SNTG1: variants seen among roughly 807,000 people sequenced by gnomAD.
The protein encoded by SNTG1 is syntrophin gamma 1, also known as gamma-1-syntrophin.
In SNTG1, 39 loss-of-function variants were observed where a neutral mutation model predicts 74.7. The ratio of observed to expected loss-of-function variants is 0.52; its 90% confidence interval spans 0.40 to 0.68. The LOEUF is 0.68. Among genes scored for constraint, SNTG1 ranks in the 30% least tolerant of loss-of-function variants. The probability of loss-of-function intolerance (pLI) is 0.00; values close to 1 mark genes in which losing one functional copy is unlikely to be tolerated. For missense variants in SNTG1, 685 were observed against 609.5 expected (o/e 1.12, Z -1.30); for synonymous variants, 254 against 217.1 (o/e 1.17, Z -1.49).
chr8:50,199,448 C>T (rs1185509160), intron 2 of SNTG1, among the ~76,000 whole-genome samples: 1 of 152,038 alleles, frequency 6.6e-6, no homozygotes, highest in Non-Finnish European at 1.5e-5. Context: ...GAACTCTTGA[C>T]CTCAGGTGAT....
chr8:50,410,598 A>G (rs1044554688), intron 4 of SNTG1, among the ~76,000 whole-genome samples: 2 of 152,236 alleles, frequency 1.3e-5, no homozygotes, highest in African/African-American at 2.4e-5. Context: ...CTCCCCTGCT[A>G]TATATTAGAC....
intron 1 of SNTG1, among the ~76,000 whole-genome samples, chr8:49,940,583 A>G (rs1023610252): frequency 6.6e-6 from 1 of 152,150 alleles, no homozygotes; most frequent in Non-Finnish European, 1.5e-5. Context: ...TCAAGGAGAG[A>G]CAATGTGTTC....
At chr8:50,553,248 T>A in intron 12 of SNTG1, 69 bp downstream of exon 12, 1 of 1,563,968 alleles carries the variant, frequency 6.4e-7, no homozygotes, top group Non-Finnish European at 8.7e-7. Flanking sequence ...AGTATATATG[T>A]AACTTCACAT....
chr8:50,093,403 A>G (rs2079812779), intron 1 of SNTG1, among the ~76,000 whole-genome samples: 1 of 152,170 alleles, frequency 6.6e-6, no homozygotes, highest in Admixed American at 6.6e-5. Flanking sequence ...TAATATATTT[A>G]TCACACAGAC....
intron 12 of SNTG1, among the ~76,000 whole-genome samples, chr8:50,573,896 T>C (rs1426369093): frequency 6.6e-6 from 1 of 151,968 alleles, no homozygotes; most frequent in African/African-American, 2.4e-5. Flanking sequence ...GTTTCATTAA[T>C]GCTAGTGATT....
At chr8:50,114,861 C>T (rs1329647256) in intron 1 of SNTG1, among the ~76,000 whole-genome samples, 1 of 151,828 alleles carries the variant, frequency 6.6e-6, no homozygotes. Flanking sequence ...GAGACTCCAT[C>T]TCTAAAAAAG....
rs533401391 is a variant in SNTG1 at position 50,585,289 on chromosome 8, TG to T, written c.811-5588del. Among the ~76,000 whole-genome samples the T allele has an allele frequency of 1.5e-3, 235 of 152,334 alleles. 1 individual carries two copies. The highest frequency in any genetic ancestry group is 5.4e-3 in the African/African-American group (225 of 41,574). On this transcript the variant is annotated intron_variant, in intron 12 of 18. Coordinates refer to ENST00000642720, the MANE Select transcript of SNTG1 (RefSeq NM_018967.5). ...TGTAGAGTGATGTGTTGGGCAACCCTGGTCTAAGCCATTCTGCTCCTTTTAC... is the reference window on the plus strand; with the variant it reads ...TGTAGAGTGATGTGTTGGGCAACCCTGTCTAAGCCATTCTGCTCCTTTTAC...
intron 2 of SNTG1, among the ~76,000 whole-genome samples, chr8:50,229,660 T>TA (rs2085516874): frequency 6.6e-6 from 1 of 151,112 alleles, no homozygotes. Flanking sequence ...TATCACCCTT[T>TA]TTTTTAAGTA....
intron 15 of SNTG1, among the ~76,000 whole-genome samples, chr8:50,686,601 T>A (rs1255432405): frequency 6.6e-6 from 1 of 152,134 alleles, no homozygotes; most frequent in African/African-American, 2.4e-5. Flanking sequence ...AAATAATTTT[T>A]AAAATATCCC....
At chr8:50,690,647 T>C (rs1357699429) in intron 15 of SNTG1, among the ~76,000 whole-genome samples, 3 of 152,214 alleles carry the variant, frequency 2.0e-5, no homozygotes, top group Non-Finnish European at 4.4e-5. Context: ...TTGCATTTGC[T>C]AAGGAGTGTT....
At chr8:50,228,295 A>G (rs972352143) in intron 2 of SNTG1, among the ~76,000 whole-genome samples, 5 of 152,022 alleles carry the variant, frequency 3.3e-5, no homozygotes, top group Non-Finnish European at 5.9e-5. Context: ...ATGTGAGACC[A>G]TTTCAAAACT....
chr8:50,066,765 C>T (rs1355288967), intron 1 of SNTG1, among the ~76,000 whole-genome samples: 8 of 152,170 alleles, frequency 5.3e-5, no homozygotes, highest in Non-Finnish European at 1.2e-4. Flanking sequence ...GCATGATCTT[C>T]ATTTATCTTC....
At chr8:49,949,673 C>T (rs990464219) in intron 1 of SNTG1, among the ~76,000 whole-genome samples, 1 of 152,164 alleles carries the variant, frequency 6.6e-6, no homozygotes, top group African/African-American at 2.4e-5. Flanking sequence ...AAAGAGACAT[C>T]TAAATTCCAT....
intron 12 of SNTG1, among the ~76,000 whole-genome samples, chr8:50,574,373 G>A (rs72643642): frequency 0.035 from 5,353 of 151,988 alleles, 149 homozygotes; most frequent in African/African-American, 0.065. Flanking sequence ...ATGGAATTCC[G>A]TTTGCTTATG....
intron 1 of SNTG1, among the ~76,000 whole-genome samples, chr8:50,074,767 G>A (rs771683348): frequency 7.2e-5 from 11 of 152,176 alleles, no homozygotes; most frequent in Admixed American, 1.3e-4. Context: ...CGCACTTGAG[G>A]AGCCCTTCAG....
At chr8:50,367,100 T>C (rs2092136061) in intron 2 of SNTG1, among the ~76,000 whole-genome samples, 1 of 151,796 alleles carries the variant, frequency 6.6e-6, no homozygotes, top group Non-Finnish European at 1.5e-5. Flanking sequence ...ATGATAATTG[T>C]TCTGATGTGA....
chr8:50,567,095 A>AT (rs1430794804), intron 12 of SNTG1, among the ~76,000 whole-genome samples: 1 of 152,104 alleles, frequency 6.6e-6, no homozygotes, highest in Non-Finnish European at 1.5e-5. Flanking sequence ...AAGAATCATT[A>AT]TTTGGGTAAT....
chr8:50,411,995 T>C (rs1484554031), intron 4 of SNTG1, among the ~76,000 whole-genome samples: 2 of 152,096 alleles, frequency 1.3e-5, no homozygotes, highest in African/African-American at 2.4e-5. Flanking sequence ...GTTGGAGGTG[T>C]TGGTGTTGTT....
chr8:50,071,506 T>G (rs912921916), intron 1 of SNTG1, among the ~76,000 whole-genome samples: 4 of 152,108 alleles, frequency 2.6e-5, no homozygotes, highest in Non-Finnish European at 5.9e-5. Context: ...TGAGTGGAAT[T>G]TTGCTTTTTT....
Sources: allele counts gnomAD v4.1 joint callset (sites outside exome capture counted in the v4.1 genomes callset), GRCh38; gene constraint gnomAD v4.1.1; transcripts MANE v1.5; gene names NCBI Gene and HGNC (gene_info 2026-07-23, HGNC 2026-07-21).